PALD1: variants seen among roughly 807,000 people sequenced by gnomAD.
The protein encoded by PALD1 is phosphatase domain containing paladin 1.
In PALD1, 57 loss-of-function variants were observed where a neutral mutation model predicts 96.0. The ratio of observed to expected loss-of-function variants is 0.59; its 90% confidence interval spans 0.48 to 0.74. PALD1 has a LOEUF of 0.74. PALD1 is among the 30% of genes least tolerant of loss of function. PALD1 has a pLI of 0.00. For missense variants in PALD1, 1,063 were observed against 1,143.7 expected (o/e 0.93, Z 1.02); for synonymous variants, 464 against 473.6 (o/e 0.98, Z 0.26).
chr10:70,523,995 C>T (rs1379271144), intron 1 of PALD1, among the ~76,000 whole-genome samples: 1 of 152,136 alleles, frequency 6.6e-6, no homozygotes, highest in Non-Finnish European at 1.5e-5. Context: ...AGCCTTCAGA[C>T]TGACCTGACC....
At position 70,531,447 on chromosome 10, in the gene PALD1, G is replaced by A. The variant is rs1454975240; in HGVS notation, c.626G>A (p.Arg209Gln). 9.3e-6 allele frequency: 15 copies of A among 1,613,096 alleles called. No homozygotes were observed. Among genetic ancestry groups the A allele is most frequent in the Admixed American group, 5.0e-5 (3 of 59,940 alleles). Residue 209 changes from arginine to glutamine, a missense_variant, in exon 5 of 20, where the codon CGG (arginine) becomes CAG (glutamine). By Grantham distance (43) the Arg-to-Gln change is conservative. Coordinates refer to ENST00000263563, the MANE Select transcript of PALD1 (RefSeq NM_014431.3). Reference protein sequence around the residue: ...VRVESLELAIRKEIHDFAQLS... With the variant: ...VRVESLELAIQKEIHDFAQLS... ...GTGGAGAGCCTGGAGCTGGCCATCC[G>A]GAAAGAGGTGAGGACCAGTGCGGTG...
At chr10:70,564,554 G>A (rs769513630) in intron 19 of PALD1, 35 bp downstream of exon 19, 12 of 1,598,686 alleles carry the variant, frequency 7.5e-6, no homozygotes, top group Middle Eastern at 1.7e-4. Context: ...GGGCCGGGGC[G>A]ATGGCTCCTG....
chr10:70,494,459 T>A (rs1444228587), intron 1 of PALD1, among the ~76,000 whole-genome samples: 1 of 152,124 alleles, frequency 6.6e-6, no homozygotes, highest in African/African-American at 2.4e-5. Flanking sequence ...CTCAGAAAGG[T>A]GGACTGGAAC....
chr10:70,494,681 C>T (rs529396450), intron 1 of PALD1, among the ~76,000 whole-genome samples: 62 of 152,320 alleles, frequency 4.1e-4, no homozygotes, highest in Non-Finnish European at 7.6e-4. Context: ...AGCCTGTTCC[C>T]GTGGGCGGGG....
In PALD1 at chr10:70,529,912, T is replaced by G. The variant is rs747992510; in HGVS notation, c.312T>G (p.Asp104Glu). 1 of 1,613,836 alleles carries G rather than the reference T, an allele frequency of 6.2e-7. No individual in the cohort carries two copies. Among genetic ancestry groups the G allele is most frequent in the Non-Finnish European group, 8.5e-7 (1 of 1,179,942 alleles). The change falls in exon 4 of 20, where the codon GAT becomes GAG. Residue 104 changes from aspartate (D) to glutamate (E), a missense_variant. Asp to Glu is a conservative substitution (Grantham distance 45, BLOSUM62 2). Transcript: ENST00000263563. ...LVQGRYFLVRDVTEKMDVLGT... is the reference protein window; with the variant it reads ...LVQGRYFLVREVTEKMDVLGT... ...AGGGCCGCTACTTCCTGGTGCGGGATGTCACTGAGAAGATGGATGTGCTGG... is the reference window on the plus strand; with the variant it reads ...AGGGCCGCTACTTCCTGGTGCGGGAGGTCACTGAGAAGATGGATGTGCTGG...
chr10:70,478,349 G>T (rs1845862125), upstream of PALD1, among the ~76,000 whole-genome samples: 1 of 152,196 alleles, frequency 6.6e-6, no homozygotes, highest in African/African-American at 2.4e-5. Flanking sequence ...GTCCCGCCGA[G>T]GCTCGGCCTG....
At chr10:70,484,102 A>C (rs2132257291) in intron 1 of PALD1, among the ~76,000 whole-genome samples, 1 of 152,196 alleles carries the variant, frequency 6.6e-6, no homozygotes, top group South Asian at 2.1e-4. Flanking sequence ...TCCCAGGTTC[A>C]AGCAATTCTC....
the PALD1 span, among the ~76,000 whole-genome samples, chr10:70,463,215 T>C: frequency 0.098 from 14,861 of 152,132 alleles, 1,011 homozygotes; most frequent in African/African-American, 0.19. Context: ...CCATCCTGGC[T>C]AACACGGTGA....
intron 1 of PALD1, among the ~76,000 whole-genome samples, chr10:70,509,872 A>G (rs1846478035): frequency 6.6e-6 from 1 of 152,234 alleles, no homozygotes; most frequent in Non-Finnish European, 1.5e-5. Flanking sequence ...TGTTGGACAC[A>G]CAGGGCTTTC....
intron 1 of PALD1, among the ~76,000 whole-genome samples, chr10:70,490,961 CT>C (rs547193972): frequency 1.1e-4 from 17 of 148,928 alleles, no homozygotes; most frequent in South Asian, 4.3e-4. Context: ...AAACCCACTT[CT>C]TTTTTTTTTG....
the PALD1 span, among the ~76,000 whole-genome samples, chr10:70,462,215 AG>A: frequency 6.6e-6 from 1 of 152,234 alleles, no homozygotes; most frequent in Non-Finnish European, 1.5e-5. Flanking sequence ...AATGACTAGT[AG>A]GGAAACTGAG....
At chr10:70,523,518 G>A (rs1183337471) in intron 1 of PALD1, among the ~76,000 whole-genome samples, 4 of 152,168 alleles carry the variant, frequency 2.6e-5, no homozygotes, top group Non-Finnish European at 4.4e-5. Flanking sequence ...AGAAGGTTCC[G>A]CTCTGCCCTT....
rs1477155264 is a variant in PALD1 at position 70,564,363 on chromosome 10, G to C, written c.2263-1G>C. On this transcript the variant is annotated splice_acceptor_variant, in intron 18 of 19. Transcript: ENST00000263563. LOFTEE classifies it high-confidence loss of function. ...TGACCCCACCCTGTCCTGTCCTCCA[G>C]GCGAAGGCAGCGAAAGAGGCGCAAG... The C allele has an allele frequency of 3.1e-6, 5 of 1,612,008 alleles. No homozygotes were observed. Among genetic ancestry groups the C allele is most frequent in the Non-Finnish European group, 4.2e-6 (5 of 1,178,948 alleles).
At chr10:70,552,444 T>G (rs1291088535) in intron 18 of PALD1, among the ~76,000 whole-genome samples, 1 of 152,162 alleles carries the variant, frequency 6.6e-6, no homozygotes, top group Non-Finnish European at 1.5e-5. Flanking sequence ...ACTGAATGAG[T>G]CAAAACTTAG....
chr10:70,458,786 C>T, the PALD1 span, among the ~76,000 whole-genome samples: 1 of 152,240 alleles, frequency 6.6e-6, no homozygotes, highest in South Asian at 2.1e-4. Context: ...CCATCTGTCC[C>T]GTCCCCTCGC....
At chr10:70,497,458 G>A (rs1474724663) in intron 1 of PALD1, among the ~76,000 whole-genome samples, 1 of 152,206 alleles carries the variant, frequency 6.6e-6, no homozygotes, top group African/African-American at 2.4e-5. Flanking sequence ...TCCTGACTGT[G>A]CCAACTCTCT....
chr10:70,499,753 G>C (rs1564687045), intron 1 of PALD1, among the ~76,000 whole-genome samples: 1 of 152,162 alleles, frequency 6.6e-6, no homozygotes, highest in Non-Finnish European at 1.5e-5. Flanking sequence ...CATTCTTGTG[G>C]GTTTTGTTTT....
chr10:70,539,536 A>G lies in PALD1; in HGVS notation c.1726-44A>G. The G allele has an allele frequency of 6.6e-7, 1 of 1,526,156 alleles. No homozygotes were observed. Among genetic ancestry groups the G allele is most frequent in the Non-Finnish European group, 8.9e-7 (1 of 1,126,990 alleles). 94.5% of individuals were successfully genotyped at this position (1,526,156 alleles called of 1,614,324 possible). A position where few individuals can be genotyped will look rare whatever the true frequency, so the allele number is the denominator to read the frequency against. On this transcript the variant is annotated intron_variant, in intron 14 of 19. Transcript: ENST00000263563. This position sits in a 1 kb window ranked among gnomAD's most constrained non-coding sequence, Gnocchi z 4.5. ...CTGTGGCCTTTCAGGGCTAGCCTAGAGCCTGCCCCAGTGGCCTGTGTCCTC... is the reference window on the plus strand; with the variant it reads ...CTGTGGCCTTTCAGGGCTAGCCTAGGGCCTGCCCCAGTGGCCTGTGTCCTC...
At chr10:70,492,447 A>C (rs1422447629) in intron 1 of PALD1, among the ~76,000 whole-genome samples, 4 of 86,524 alleles carry the variant, frequency 4.6e-5, no homozygotes, top group South Asian at 4.2e-4. Flanking sequence ...TGCATTTTTG[A>C]CTTTTTTTTT....
Sources: gnomAD v4.1 joint callset for allele counts (sites outside exome capture counted in the v4.1 genomes callset) on GRCh38, gnomAD v4.1.1 for gene constraint, Gnocchi (gnomAD v3.1) non-coding constraint, MANE v1.5 for transcripts, NCBI Gene and HGNC (gene_info 2026-07-23, HGNC 2026-07-21) for gene names.